The following MDGA2 variants were observed in gnomAD, a reference collection of about 807,000 sequenced individuals.
The protein encoded by MDGA2 is MAM domain-containing glycosylphosphatidylinositol anchor protein 2.
A neutral mutation model predicts 117.8 loss-of-function variants in MDGA2; 40 were observed. The observed-to-expected ratio is 0.34, with a 90% CI of 0.26 to 0.44. The LOEUF is 0.44. MDGA2 is among the 20% of genes least tolerant of loss of function. The probability of loss-of-function intolerance (pLI) is 1.00; values close to 1 mark genes in which losing one functional copy is unlikely to be tolerated. For missense variants in MDGA2, 1,123 were observed against 1,250.6 expected, an observed-to-expected ratio of 0.90 and a Z score of 1.54; for synonymous variants, 452 against 439.0, an observed-to-expected ratio of 1.03 and a Z score of -0.37.
At chr14:47,236,814 C>G (rs1431472383) in intron 2 of MDGA2, among the ~76,000 whole-genome samples, 1 of 152,066 alleles carries the variant, frequency 6.6e-6, no homozygotes. Context: ...TTTCAAGAAG[C>G]TTTTTCCTGA....
At chr14:47,435,394 C>G (rs2138535324) in intron 1 of MDGA2, among the ~76,000 whole-genome samples, 1 of 152,168 alleles carries the variant, frequency 6.6e-6, no homozygotes, top group African/African-American at 2.4e-5. Flanking sequence ...CCCATCATTT[C>G]CTAAATAGGG....
At chr14:47,114,754 T>A (rs2139072074) in intron 5 of MDGA2, among the ~76,000 whole-genome samples, 1 of 152,142 alleles carries the variant, frequency 6.6e-6, no homozygotes, top group East Asian at 1.9e-4. Flanking sequence ...TCCTTACACC[T>A]TATACAAAAA....
At chr14:47,296,475 A>C (rs780236080) in intron 2 of MDGA2, among the ~76,000 whole-genome samples, 2 of 152,228 alleles carry the variant, frequency 1.3e-5, no homozygotes, top group Non-Finnish European at 2.9e-5. Context: ...AACTAGTAAG[A>C]AAAGAGAAGA....
At chr14:46,859,308 A>G (rs554099422) in intron 14 of MDGA2, among the ~76,000 whole-genome samples, 71 of 152,276 alleles carry the variant, frequency 4.7e-4, no homozygotes, top group Admixed American at 1.1e-3. Flanking sequence ...TGTGCTGTCA[A>G]TCTCACAAAG....
intron 1 of MDGA2, among the ~76,000 whole-genome samples, chr14:47,472,619 A>G (rs907178691): frequency 4.6e-5 from 7 of 152,142 alleles, no homozygotes; most frequent in African/African-American, 1.7e-4. Context: ...TGGATTTAGT[A>G]TATTAGCCAG....
intron 5 of MDGA2, among the ~76,000 whole-genome samples, chr14:47,129,048 T>C (rs1476461006): frequency 1.3e-5 from 2 of 152,134 alleles, no homozygotes; most frequent in South Asian, 2.1e-4. Flanking sequence ...TGTTCTTGTA[T>C]TTTAATGACT....
At chr14:47,586,263 A>C (rs1896323311) in intron 1 of MDGA2, among the ~76,000 whole-genome samples, 1 of 151,868 alleles carries the variant, frequency 6.6e-6, no homozygotes, top group Admixed American at 6.6e-5. Flanking sequence ...GACCAACAAC[A>C]CAATGTCTTC....
chr14:47,353,392 G>T (rs1179028458), intron 1 of MDGA2, among the ~76,000 whole-genome samples: 1 of 152,178 alleles, frequency 6.6e-6, no homozygotes, highest in Non-Finnish European at 1.5e-5. Flanking sequence ...AGTTGCTGCT[G>T]CCAGGAAACA....
chr14:47,101,261 T>C (rs1880309415), intron 5 of MDGA2, among the ~76,000 whole-genome samples: 1 of 152,108 alleles, frequency 6.6e-6, no homozygotes, highest in South Asian at 2.1e-4. Context: ...TTTTCCAAAA[T>C]CATGAACTCT....
At chr14:47,458,135 G>T (rs1241187412) in intron 1 of MDGA2, among the ~76,000 whole-genome samples, 1 of 151,580 alleles carries the variant, frequency 6.6e-6, no homozygotes, top group Non-Finnish European at 1.5e-5. Flanking sequence ...TTTAAATCAG[G>T]TTGTTTTGTT....
intron 1 of MDGA2, among the ~76,000 whole-genome samples, chr14:47,517,980 G>A (rs1355504183): frequency 6.6e-6 from 1 of 152,048 alleles, no homozygotes; most frequent in Non-Finnish European, 1.5e-5. Context: ...CCATGATGAG[G>A]AGAGAAAAAT....
intron 10 of MDGA2, among the ~76,000 whole-genome samples, chr14:46,896,548 T>G (rs1271351765): frequency 6.6e-6 from 1 of 152,058 alleles, no homozygotes; most frequent in Admixed American, 6.6e-5. Context: ...GTTATATATT[T>G]GATATTTATA....
intron 1 of MDGA2, among the ~76,000 whole-genome samples, chr14:47,597,261 G>A (rs1309006992): frequency 6.6e-6 from 1 of 152,032 alleles, no homozygotes; most frequent in Non-Finnish European, 1.5e-5. Flanking sequence ...TCAAGATTGG[G>A]TAATCAATAA....
chr14:46,999,792 C>G (rs549257611), intron 8 of MDGA2, among the ~76,000 whole-genome samples: 1 of 152,002 alleles, frequency 6.6e-6, no homozygotes, highest in Non-Finnish European at 1.5e-5. Flanking sequence ...TTTGAATCAT[C>G]CTGACTAATA....
chr14:46,980,165 A>G (rs1886616486), intron 8 of MDGA2, among the ~76,000 whole-genome samples: 1 of 152,200 alleles, frequency 6.6e-6, no homozygotes, highest in South Asian at 2.1e-4. Context: ...TTTGTGATTA[A>G]TAGGAGGAGG....
chr14:47,261,976 T>C (rs1195987547), intron 2 of MDGA2, among the ~76,000 whole-genome samples: 1 of 152,112 alleles, frequency 6.6e-6, no homozygotes, highest in Non-Finnish European at 1.5e-5. Context: ...ACACTAAATG[T>C]TGCTAGAGTG....
intron 3 of MDGA2, among the ~76,000 whole-genome samples, chr14:47,203,146 C>T (rs1160624206): frequency 6.6e-6 from 1 of 151,948 alleles, no homozygotes; most frequent in African/African-American, 2.4e-5. Context: ...CCAGGTATTT[C>T]TTATTTGGCT....
In MDGA2 at chr14:47,361,124, T is replaced by C. The variant is rs28420603; in HGVS notation, c.281-59574A>G. On this transcript the variant is annotated intron_variant, in intron 1 of 16. Coordinates refer to ENST00000399232, the MANE Select transcript of MDGA2 (RefSeq NM_001113498.3). ...TATAATAACTATGTGAATGAATATG[T>C]TAATTTGCTTGCCAGTAGTAATCAT... 5.7e-3 allele frequency among the ~76,000 whole-genome samples: 868 copies of C among 152,132 alleles called. 7 individuals are homozygous for C. Among genetic ancestry groups the C allele is most frequent in the Non-Finnish European group, 0.01 (681 of 67,996 alleles).
intron 1 of MDGA2, among the ~76,000 whole-genome samples, chr14:47,623,228 A>T (rs896902501): frequency 6.6e-6 from 1 of 152,114 alleles, no homozygotes; most frequent in African/African-American, 2.4e-5. Flanking sequence ...TGATGCAACA[A>T]GAAGGCCCTC....
Sources: gnomAD v4.1 joint callset for allele counts (sites outside exome capture counted in the v4.1 genomes callset) on GRCh38, gnomAD v4.1.1 for gene constraint, MANE v1.5 for transcripts, NCBI Gene and HGNC (gene_info 2026-07-23, HGNC 2026-07-21) for gene names.